Variants in LIPJ observed in about 807,000 individuals in gnomAD.
LIPJ encodes the protein lipase member J.
Under a neutral mutation model 39.8 loss-of-function variants are expected in LIPJ, and 33 were observed. That is an observed-to-expected ratio of 0.83 (90% CI 0.63 to 1.11). The LOEUF is 1.11. Among genes scored for constraint, LIPJ ranks in the 50% least tolerant of loss-of-function variants. The pLI is 0.00. For synonymous variants in LIPJ, 128 were observed against 139.2 expected (o/e 0.92, Z 0.57); for missense variants, 422 against 427.9 (o/e 0.99, Z 0.12).
At chr10:88,613,800 A>ATATATATATGTGTGTG in the LIPJ span, among the ~76,000 whole-genome samples, 1,353 of 73,804 alleles carry the variant, frequency 0.018, 21 homozygotes, top group Admixed American at 0.027. Context: ...ATATATATAT[A>ATATATATATGTGTGTG]TGTGTGTGTG....
chr10:88,621,511 G>A, the LIPJ span, among the ~76,000 whole-genome samples: 15 of 152,328 alleles, frequency 9.8e-5, no homozygotes, highest in East Asian at 2.5e-3. Context: ...CTAGAGATAA[G>A]AAGAGATCTG....
chr10:88,620,636 C>T, the LIPJ span, among the ~76,000 whole-genome samples: 1 of 152,170 alleles, frequency 6.6e-6, no homozygotes, highest in Admixed American at 6.5e-5. Context: ...AAAATAACCT[C>T]ACAATACCAA....
chr10:88,612,545 A>G, the LIPJ span, among the ~76,000 whole-genome samples: 71 of 152,346 alleles, frequency 4.7e-4, 2 homozygotes, highest in South Asian at 0.014. Context: ...GGAAAAAGAT[A>G]TTCCATGCAA....
At chr10:88,591,695 T>G (rs1187719271) in intron 4 of LIPJ, 197 bp downstream of exon 4, 2 of 368,468 alleles carry the variant, frequency 5.4e-6, no homozygotes, top group African/African-American at 4.2e-5. Flanking sequence ...GAGGTTGTGA[T>G]GGAACACAAG....
intron 8 of LIPJ, among the ~76,000 whole-genome samples, chr10:88,602,344 T>C (rs1851515324): frequency 6.6e-6 from 1 of 152,012 alleles, no homozygotes; most frequent in Non-Finnish European, 1.5e-5. Context: ...TCCAGTAGAG[T>C]GAGTGGCAGA....
chr10:88,621,328 A>G, the LIPJ span, among the ~76,000 whole-genome samples: 1 of 152,176 alleles, frequency 6.6e-6, no homozygotes, highest in Non-Finnish European at 1.5e-5. Flanking sequence ...ACTAGTTACC[A>G]ATAAAAGGGA....
chr10:88,588,162 C>CT (rs1564929725), intron 2 of LIPJ, among the ~76,000 whole-genome samples: 1 of 151,724 alleles, frequency 6.6e-6, no homozygotes, highest in Admixed American at 6.6e-5. Context: ...ACTGAATTGA[C>CT]TATAAATAAA....
intron 4 of LIPJ, chr10:88,592,108 G>T (rs1024784213): frequency 6.6e-6 from 1 of 151,846 alleles, no homozygotes; most frequent in Non-Finnish European, 1.5e-5. Context: ...CTTCCTGAAA[G>T]AATGTTTCTT....
chr10:88,583,520 A>G, upstream of LIPJ: 1 of 1,174,134 alleles, frequency 8.5e-7, no homozygotes, highest in Non-Finnish European at 1.1e-6. Context: ...GCCTCGCAAC[A>G]GAGCTGACGT....
intron 8 of LIPJ, among the ~76,000 whole-genome samples, chr10:88,599,256 A>G (rs1460507488): frequency 6.6e-6 from 1 of 151,854 alleles, no homozygotes; most frequent in East Asian, 1.9e-4. Context: ...ATCACCTCAC[A>G]TAGTCATATT....
intron 9 of LIPJ, 73 bp from the exon 10 acceptor site, chr10:88,605,560 T>C: frequency 2.0e-6 from 2 of 992,218 alleles, no homozygotes; most frequent in Non-Finnish European, 1.6e-6. Context: ...TATATATGCA[T>C]TGCATGCTTA....
downstream of LIPJ, among the ~76,000 whole-genome samples, chr10:88,611,220 C>A (rs544729611): frequency 6.6e-5 from 10 of 152,302 alleles, no homozygotes; most frequent in East Asian, 1.7e-3. Flanking sequence ...AGAAGGAGAA[C>A]ACCACACCAA....
At chr10:88,614,522 C>T in the LIPJ span, among the ~76,000 whole-genome samples, 1 of 151,946 alleles carries the variant, frequency 6.6e-6, no homozygotes. Context: ...ATGTGTCAAA[C>T]CTGTGTATTA....
the LIPJ span, among the ~76,000 whole-genome samples, chr10:88,620,521 GAT>G: frequency 3.9e-5 from 6 of 152,020 alleles, no homozygotes; most frequent in African/African-American, 1.2e-4. Flanking sequence ...TACTAAAGAA[GAT>G]ATATAGATGG....
chr10:88,583,468 A>G, upstream of LIPJ: 14 of 1,312,956 alleles, frequency 1.1e-5, no homozygotes, highest in Non-Finnish European at 1.3e-5. Flanking sequence ...CCCCTCGCCC[A>G]GAAAAGCCTG....
upstream of LIPJ, among the ~76,000 whole-genome samples, chr10:88,586,277 A>T (rs1850915425): frequency 6.6e-6 from 1 of 152,166 alleles, no homozygotes; most frequent in Admixed American, 6.5e-5. Flanking sequence ...TAATAGCATA[A>T]TGGGTCCTTG....
At chr10:88,622,064 A>T in the LIPJ span, among the ~76,000 whole-genome samples, 1 of 152,186 alleles carries the variant, frequency 6.6e-6, no homozygotes, top group African/African-American at 2.4e-5. Flanking sequence ...GACTGCTAAG[A>T]AATCACAGCT....
At chr10:88,584,917 G>A (rs1017939981), upstream of LIPJ, among the ~76,000 whole-genome samples, 3 of 152,160 alleles carry the variant, frequency 2.0e-5, no homozygotes, top group Non-Finnish European at 4.4e-5. Context: ...AGACAAATTT[G>A]TCATAATACA....
chr10:88,598,065 T>C (rs993556119), intron 8 of LIPJ, among the ~76,000 whole-genome samples: 5 of 152,032 alleles, frequency 3.3e-5, no homozygotes, highest in African/African-American at 4.8e-5. Flanking sequence ...TAGATTGTAA[T>C]ATGACTGTGT....
Sources: gnomAD v4.1 joint callset for allele counts (sites outside exome capture counted in the v4.1 genomes callset) on GRCh38, gnomAD v4.1.1 for gene constraint, MANE v1.5 for transcripts, NCBI Gene and HGNC (gene_info 2026-07-23, HGNC 2026-07-21) for gene names.